GRM7: variants seen among roughly 807,000 people sequenced by gnomAD.
The protein encoded by GRM7 is glutamate metabotropic receptor 7, also known as metabotropic glutamate receptor 7.
A neutral mutation model predicts 84.5 loss-of-function variants in GRM7; 35 were observed. The observed-to-expected ratio is 0.41, with a 90% CI of 0.32 to 0.55. The LOEUF is 0.55. Ranked by LOEUF, GRM7 falls within the 20% of genes least tolerant of loss-of-function variation. The probability of loss-of-function intolerance (pLI) is 0.19; values close to 1 mark genes in which losing one functional copy is unlikely to be tolerated. For missense variants in GRM7, 1,003 were observed against 1,194.6 expected (o/e 0.84, Z 2.36); for synonymous variants, 487 against 455.1 (o/e 1.07, Z -0.89).
chr3:7,167,605 C>T (rs1694841173), intron 2 of GRM7, among the ~76,000 whole-genome samples: 1 of 152,130 alleles, frequency 6.6e-6, no homozygotes, highest in African/African-American at 2.4e-5. Flanking sequence ...CCTTCGGAAT[C>T]TTCTTTCTAG....
chr3:7,219,214 T>C (rs551898699), intron 2 of GRM7, among the ~76,000 whole-genome samples: 121 of 152,276 alleles, frequency 7.9e-4, no homozygotes, highest in African/African-American at 2.7e-3. Context: ...ATCTAGATTT[T>C]TCATATAATG....
chr3:7,441,830 G>GGTCT (rs1343006134), intron 5 of GRM7, among the ~76,000 whole-genome samples: 1 of 151,950 alleles, frequency 6.6e-6, no homozygotes, highest in Non-Finnish European at 1.5e-5. Flanking sequence ...CTATTCCATT[G>GGTCT]GTCTATGTGT....
chr3:7,041,079 C>CAAA (rs557674027), intron 1 of GRM7, among the ~76,000 whole-genome samples: 2 of 80,794 alleles, frequency 2.5e-5, no homozygotes, highest in Non-Finnish European at 2.9e-5. Flanking sequence ...GACCCTGTCT[C>CAAA]AAAAAAAAAA....
At chr3:7,189,276 G>A (rs1695627379) in intron 2 of GRM7, among the ~76,000 whole-genome samples, 1 of 152,086 alleles carries the variant, frequency 6.6e-6, no homozygotes, top group Admixed American at 6.6e-5. Flanking sequence ...ACGCACGTGA[G>A]AAAGCAATAA....
At chr3:6,979,148 CATTTG>C (rs1458754608) in intron 1 of GRM7, among the ~76,000 whole-genome samples, 1 of 152,116 alleles carries the variant, frequency 6.6e-6, no homozygotes, top group South Asian at 2.1e-4. Flanking sequence ...AAAGACCCAC[CATTTG>C]ATTTAAGATT....
At chr3:7,468,907 C>G (rs1698575585) in intron 7 of GRM7, among the ~76,000 whole-genome samples, 1 of 152,156 alleles carries the variant, frequency 6.6e-6, no homozygotes, top group South Asian at 2.1e-4. Flanking sequence ...TCAATTAAAC[C>G]TCTTTCTTTT....
At chr3:7,604,317 A>C (rs1696460097) in intron 8 of GRM7, among the ~76,000 whole-genome samples, 1 of 152,206 alleles carries the variant, frequency 6.6e-6, no homozygotes, top group African/African-American at 2.4e-5. Flanking sequence ...CATTTACTAT[A>C]GAGGATAGCT....
intron 1 of GRM7, among the ~76,000 whole-genome samples, chr3:6,997,602 T>G (rs1190971592): frequency 3.4e-4 from 51 of 152,116 alleles, no homozygotes; most frequent in Admixed American, 3.1e-3. Flanking sequence ...TCCCACAACA[T>G]GTGGGGATTA....
At chr3:7,223,213 A>G (rs1183595041) in intron 2 of GRM7, among the ~76,000 whole-genome samples, 1 of 151,720 alleles carries the variant, frequency 6.6e-6, no homozygotes, top group South Asian at 2.1e-4. Context: ...GTTTCCTTTC[A>G]TTCTGTTCTT....
intron 7 of GRM7, among the ~76,000 whole-genome samples, chr3:7,523,379 C>G (rs773228891): frequency 6.6e-6 from 1 of 152,110 alleles, no homozygotes; most frequent in Non-Finnish European, 1.5e-5. Flanking sequence ...TTGCTTGTAA[C>G]AAACGGAACC....
At chr3:6,921,809 T>C (rs1697133505) in intron 1 of GRM7, among the ~76,000 whole-genome samples, 1 of 152,136 alleles carries the variant, frequency 6.6e-6, no homozygotes, top group African/African-American at 2.4e-5. Flanking sequence ...GAATTCAGAA[T>C]GGCTTCTCTC....
chr3:6,996,342 C>G lies in GRM7; in HGVS notation c.519+134435C>G, dbSNP rs959355369. 2.6e-5 allele frequency among the ~76,000 whole-genome samples: 4 copies of G among 152,158 alleles called. No homozygotes were observed. The East Asian group carries it at 7.7e-4, about 29-fold the overall frequency. On this transcript the variant is annotated intron_variant, in intron 1 of 9. Coordinates refer to ENST00000357716, the MANE Select transcript of GRM7 (RefSeq NM_000844.4). ...GGATTACTGACATGAGCCACCATGC[C>G]TGGCCTAATTCTACAAATTTTTAAT...
intron 2 of GRM7, among the ~76,000 whole-genome samples, chr3:7,207,412 C>T (rs1197259722): frequency 1.3e-5 from 2 of 152,104 alleles, no homozygotes; most frequent in African/African-American, 4.8e-5. Flanking sequence ...TCATTTAATG[C>T]CATCTTCCCT....
At position 7,321,695 on chromosome 3, in the gene GRM7, A is replaced by T. The variant is rs554108899; in HGVS notation, c.1033+15043A>T. Among the ~76,000 whole-genome samples the T allele has an allele frequency of 3.3e-5, 5 of 151,944 alleles. No individual in the cohort carries two copies. The East Asian group carries it at 5.8e-4, about 18-fold the overall frequency. On this transcript the variant is annotated intron_variant, in intron 4 of 9. Transcript: ENST00000357716. ...ATATTTGGAGCACTAATTTATTCTA[A>T]CCTCAGGGAATTTGCTTTTTAGGAA...
intron 1 of GRM7, among the ~76,000 whole-genome samples, chr3:6,911,708 TCTTG>T (rs1174062850): frequency 1.5e-4 from 23 of 152,324 alleles, no homozygotes; most frequent in Admixed American, 3.9e-4. Flanking sequence ...CTACTTTAGC[TCTTG>T]CTTATTTCCA....
At chr3:7,634,961 G>A (rs541105033) in intron 8 of GRM7, among the ~76,000 whole-genome samples, 7 of 152,222 alleles carry the variant, frequency 4.6e-5, no homozygotes, top group South Asian at 2.1e-4. Flanking sequence ...CTTACATATG[G>A]ACAGGTAGTA....
At chr3:6,980,226 G>C (rs954210851) in intron 1 of GRM7, among the ~76,000 whole-genome samples, 1 of 152,034 alleles carries the variant, frequency 6.6e-6, no homozygotes, top group Non-Finnish European at 1.5e-5. Flanking sequence ...AATAATCAGA[G>C]CATAATGTTA....
intron 8 of GRM7, among the ~76,000 whole-genome samples, chr3:7,671,479 G>T (rs1018271692): frequency 2.0e-5 from 3 of 151,956 alleles, no homozygotes; most frequent in Admixed American, 6.6e-5. Context: ...TTCACCTGGA[G>T]CGCTCGCCTT....
intron 8 of GRM7, among the ~76,000 whole-genome samples, chr3:7,644,918 T>C (rs547220761): frequency 1.4e-3 from 214 of 152,236 alleles, no homozygotes; most frequent in African/African-American, 5.0e-3. Flanking sequence ...GGAGCCTCCC[T>C]GCCCATCAGC....
Sources: gnomAD v4.1 joint callset for allele counts (sites outside exome capture counted in the v4.1 genomes callset) on GRCh38, gnomAD v4.1.1 for gene constraint, MANE v1.5 for transcripts, NCBI Gene and HGNC (gene_info 2026-07-23, HGNC 2026-07-21) for gene names.